The following PRKG1 variants were observed in gnomAD, a reference collection of about 807,000 sequenced individuals.
PRKG1 encodes cGMP-dependent protein kinase 1.
Under a neutral mutation model 88.1 loss-of-function variants are expected in PRKG1, and 35 were observed. That is an observed-to-expected ratio of 0.40 (90% CI 0.30 to 0.53). The LOEUF (loss-of-function observed/expected upper bound fraction) is 0.53. Ranked by LOEUF, PRKG1 falls within the 20% of genes least tolerant of loss-of-function variation. The probability of loss-of-function intolerance (pLI) is 0.59; values close to 1 mark genes in which losing one functional copy is unlikely to be tolerated. For synonymous variants in PRKG1, 303 were observed against 292.5 expected (o/e 1.04, Z -0.37); for missense variants, 540 against 839.8 (o/e 0.64, Z 4.41).
At chr10:51,848,358 T>C (rs1393635716) in intron 4 of PRKG1, among the ~76,000 whole-genome samples, 1 of 152,172 alleles carries the variant, frequency 6.6e-6, no homozygotes, top group African/African-American at 2.4e-5. Context: ...CTCCAAACCT[T>C]AGTTTCAAAA....
intron 3 of PRKG1, among the ~76,000 whole-genome samples, chr10:51,692,399 C>T (rs560594162): frequency 1.3e-5 from 2 of 152,150 alleles, no homozygotes; most frequent in South Asian, 2.1e-4. Flanking sequence ...CCCACCACCA[C>T]GCCCCTGGCT....
intron 3 of PRKG1, 156 bp downstream of exon 3, chr10:51,467,992 C>A: frequency 1.6e-6 from 1 of 641,880 alleles, no homozygotes; most frequent in Non-Finnish European, 2.7e-6. Flanking sequence ...TGTTTTCCTA[C>A]TAAAGGTGAT....
chr10:51,647,173 G>A (rs1184538666), intron 3 of PRKG1, among the ~76,000 whole-genome samples: 1 of 151,372 alleles, frequency 6.6e-6, no homozygotes, highest in African/African-American at 2.4e-5. Flanking sequence ...AAAAACTGGG[G>A]TGAAGCATAC....
At chr10:52,165,812 T>C (rs1167761483) in intron 9 of PRKG1, among the ~76,000 whole-genome samples, 1 of 152,174 alleles carries the variant, frequency 6.6e-6, no homozygotes, top group East Asian at 1.9e-4. Context: ...TCAAGCTCAA[T>C]CGCAGAAAGA....
intron 3 of PRKG1, among the ~76,000 whole-genome samples, chr10:51,682,875 T>C (rs1296019843): frequency 6.6e-6 from 1 of 152,172 alleles, no homozygotes; most frequent in Admixed American, 6.6e-5. Flanking sequence ...CTGTAAACCA[T>C]GAAAATGATT....
intron 2 of PRKG1, among the ~76,000 whole-genome samples, chr10:51,201,850 T>C (rs976867246): frequency 1.5e-4 from 23 of 152,354 alleles, no homozygotes; most frequent in African/African-American, 5.3e-4. Context: ...AATAAATGTC[T>C]GTTGTGTATA....
chr10:52,198,088 A>G (rs192916134), intron 9 of PRKG1, among the ~76,000 whole-genome samples: 142 of 152,238 alleles, frequency 9.3e-4, no homozygotes, highest in Non-Finnish European at 1.7e-3. Flanking sequence ...TACAAACACA[A>G]TGTTATAAAT....
intron 5 of PRKG1, among the ~76,000 whole-genome samples, chr10:51,914,368 G>A (rs1280122740): frequency 3.3e-5 from 5 of 152,082 alleles, no homozygotes; most frequent in Non-Finnish European, 7.4e-5. Context: ...TTTGAATCAG[G>A]GGTTATACAT....
intron 1 of PRKG1, among the ~76,000 whole-genome samples, chr10:51,065,124 T>C (rs1390818157): frequency 6.6e-6 from 1 of 152,072 alleles, no homozygotes; most frequent in South Asian, 2.1e-4. Flanking sequence ...ATGAATAGTT[T>C]TCTACAAGAT....
chr10:51,156,936 T>C (rs1329118190), intron 2 of PRKG1, among the ~76,000 whole-genome samples: 2 of 151,930 alleles, frequency 1.3e-5, no homozygotes, highest in Non-Finnish European at 2.9e-5. Context: ...TTGCTTACTA[T>C]CAAGATATTC....
chr10:51,030,723 G>T (rs758946267), intron 1 of PRKG1, among the ~76,000 whole-genome samples: 58 of 152,112 alleles, frequency 3.8e-4, no homozygotes, highest in Non-Finnish European at 6.9e-4. Context: ...TGCCAGAGCG[G>T]GTTGTTTAAA....
intron 2 of PRKG1, among the ~76,000 whole-genome samples, chr10:51,355,830 A>AT (rs1247288103): frequency 1.1e-4 from 17 of 152,100 alleles, no homozygotes; most frequent in African/African-American, 3.6e-4. Flanking sequence ...AATATTCCCA[A>AT]TGATAGTAGT....
chr10:52,261,505 G>A (rs1841432238), intron 10 of PRKG1, among the ~76,000 whole-genome samples: 3 of 151,064 alleles, frequency 2.0e-5, no homozygotes, highest in Middle Eastern at 6.9e-3. Flanking sequence ...TGTTGGGGGG[G>A]CCTGTCTATG....
At chr10:51,066,205 C>T (rs1411033909) in intron 1 of PRKG1, among the ~76,000 whole-genome samples, 1 of 152,130 alleles carries the variant, frequency 6.6e-6, no homozygotes, top group African/African-American at 2.4e-5. Flanking sequence ...TCATCAAATG[C>T]TCTACCTTAT....
intron 3 of PRKG1, among the ~76,000 whole-genome samples, chr10:51,566,628 A>T (rs1230861092): frequency 6.6e-6 from 1 of 152,078 alleles, no homozygotes; most frequent in East Asian, 1.9e-4. Flanking sequence ...AGAAGTTGTC[A>T]TTCACACAGA....
At chr10:52,213,016 T>A (rs1018502927) in intron 9 of PRKG1, among the ~76,000 whole-genome samples, 1 of 152,138 alleles carries the variant, frequency 6.6e-6, no homozygotes, top group Non-Finnish European at 1.5e-5. Flanking sequence ...ACTGCGTACA[T>A]GAATGTTTAC....
chr10:52,032,175 C>T (rs1415959089), intron 5 of PRKG1, among the ~76,000 whole-genome samples: 1 of 152,174 alleles, frequency 6.6e-6, no homozygotes, highest in Non-Finnish European at 1.5e-5. Context: ...TTCAAGACTT[C>T]ACTTCTCTGT....
chr10:52,207,932 G>T (rs1054327322), intron 9 of PRKG1, among the ~76,000 whole-genome samples: 25 of 152,016 alleles, frequency 1.6e-4, no homozygotes, highest in African/African-American at 5.6e-4. Flanking sequence ...CTCAGTGGGA[G>T]ATATTCCTCC....
intron 7 of PRKG1, among the ~76,000 whole-genome samples, chr10:52,074,276 T>C (rs938661051): frequency 6.6e-6 from 1 of 152,198 alleles, no homozygotes; most frequent in Non-Finnish European, 1.5e-5. Flanking sequence ...AGAGGAAAGC[T>C]AAGGGCCCGC....
Sources: allele counts gnomAD v4.1 joint callset (sites outside exome capture counted in the v4.1 genomes callset), GRCh38; gene constraint gnomAD v4.1.1; transcripts MANE v1.5; gene names NCBI Gene and HGNC (gene_info 2026-07-23, HGNC 2026-07-21).